Variants in PAQR3 observed in about 807,000 individuals in gnomAD.
PAQR3 encodes the protein Raf kinase trapping to Golgi.
Under a neutral mutation model 41.7 loss-of-function variants are expected in PAQR3, and 39 were observed. The observed-to-expected ratio is 0.93, with a 90% CI of 0.72 to 1.22. The LOEUF (loss-of-function observed/expected upper bound fraction) is 1.22. Among genes scored for constraint, PAQR3 ranks in the 50% most tolerant of loss-of-function variants. PAQR3 has a pLI of 0.00. For missense variants in PAQR3, 366 were observed against 385.6 expected (o/e 0.95, Z 0.42); for synonymous variants, 140 against 140.6 (o/e 1.00, Z 0.03).
At chr4:78,922,783 T>C in intron 5 of PAQR3, 2 of 386,978 alleles carry the variant, frequency 5.2e-6, no homozygotes, top group East Asian at 1.4e-4. Flanking sequence ...AGTATTTCCA[T>C]GTTTTAGATA....
At chr4:78,901,261 A>G (rs1019249021) in intron 11 of PAQR3, among the ~76,000 whole-genome samples, 3 of 147,648 alleles carry the variant, frequency 2.0e-5, no homozygotes, top group Admixed American at 6.6e-5. Context: ...AGGTCTTACT[A>G]TGTTGCCTAG....
chr4:78,898,715 A>G (rs1035776218), intron 11 of PAQR3: 5 of 151,828 alleles, frequency 3.3e-5, no homozygotes, highest in Non-Finnish European at 5.9e-5. Context: ...ATGACTACAG[A>G]AATTGAAAGC....
rs1279795138 is a variant in PAQR3 at position 78,935,280 on chromosome 4, C to T, written c.189G>A (p.Leu63=). The T allele has an allele frequency of 1.9e-6, 3 of 1,608,376 alleles. No individual in the cohort carries two copies. The highest frequency in any genetic ancestry group is 1.7e-6 in the Non-Finnish European group (2 of 1,178,492). The change falls in exon 2 of 6, where the codon TTG becomes TTA. Residue 63 remains leucine, a synonymous_variant. Transcript: ENST00000512733. The stretch of plus-strand genomic sequence containing the variant: ...TTACTGTCTCATTAGATAAAATAAA[C>T]AAACTGGAAAATAAACACACATGCA... ...YLPSRLCIKS[L]FILSNETVNI... is the part of the protein sequence containing the mutation.
intron 5 of PAQR3, chr4:78,922,535 T>G: frequency 1.0e-6 from 1 of 963,468 alleles, no homozygotes. Context: ...AAATGTTATT[T>G]CTGACCCATG....
chr4:78,895,253 C>T lies in PAQR3; in HGVS notation c.*837-7105G>A, dbSNP rs1733640987. ...TTTTAGAAAGTCAATCTTGGAAATA[C>T]AGTGAAGTCTGGCACAATACAAAAA... is the stretch of plus-strand genomic sequence containing the variant. On this transcript the variant is annotated intron_variant and NMD_transcript_variant, in intron 11 of 12. Coordinates refer to the PAQR3 transcript ENST00000342820. 2.0e-5 allele frequency among the ~76,000 whole-genome samples: 3 copies of T among 152,234 alleles called. No individual in the cohort carries two copies. The South Asian group carries it at 6.2e-4, about 32-fold the overall frequency.
At position 78,913,465 on chromosome 4, in the gene PAQR3, T is replaced by C. The variant is rs544173893; in HGVS notation, c.*7074A>G. ...TCCTGTGTCTATGACTATTTTAAGA[T>C]ATAATTGTGCTGCGCTATCAGATTA... is the stretch of plus-strand genomic sequence containing the variant. On this transcript the variant is annotated 3_prime_UTR_variant, in exon 6 of 6. Coordinates refer to ENST00000512733, the MANE Select transcript of PAQR3 (RefSeq NM_001040202.2). 1 of 152,292 alleles carries C rather than the reference T, an allele frequency of 6.6e-6. No homozygotes were observed. Among genetic ancestry groups the C allele is most frequent in the South Asian group, 2.1e-4 (1 of 4,830 alleles). 9.4% of individuals were successfully genotyped at this position (152,292 alleles called of 1,614,324 possible). A position where few individuals can be genotyped will look rare whatever the true frequency, so the allele number is the denominator to read the frequency against.
intron 10 of PAQR3, among the ~76,000 whole-genome samples, chr4:78,906,814 G>A (rs1189915335): frequency 6.6e-6 from 1 of 152,140 alleles, no homozygotes. Flanking sequence ...CTTATTATGT[G>A]TTCAGGCACC....
rs1307494786 is a variant in PAQR3, at chr4:78,920,291, A to C, written c.*248T>G. 136 of 1,152,376 alleles carry C rather than the reference A, an allele frequency of 1.2e-4. No individual in the cohort carries two copies. The highest frequency in any genetic ancestry group is 1.4e-4 in the Non-Finnish European group (133 of 937,350). 71.4% of individuals were successfully genotyped at this position (1,152,376 alleles called of 1,614,324 possible). ...AGTTTCCCATTCATCGTTGTTATTC[A>C]GATGTTTCTTATGATTGCCAACTAA... is the stretch of plus-strand genomic sequence containing the variant. On this transcript the variant is annotated 3_prime_UTR_variant, in exon 6 of 6. Transcript: ENST00000512733.
chr4:78,911,626 C>T (rs1047400897), downstream of PAQR3: 16 of 1,613,840 alleles, frequency 9.9e-6, no homozygotes, highest in Non-Finnish European at 1.4e-5. Flanking sequence ...AGTGGGCCGC[C>T]GAGACTCTCA....
chr4:78,923,349 T>C (rs1042205578), intron 5 of PAQR3, among the ~76,000 whole-genome samples: 6 of 152,024 alleles, frequency 3.9e-5, no homozygotes, highest in African/African-American at 1.4e-4. Flanking sequence ...TTTATTATTA[T>C]ACTTTAAGTT....
intron 11 of PAQR3, among the ~76,000 whole-genome samples, chr4:78,905,735 G>A (rs893794850): frequency 3.3e-5 from 5 of 151,960 alleles, no homozygotes; most frequent in African/African-American, 4.8e-5. Context: ...AAATTTCATA[G>A]TAAATCAAAT....
Position 78,918,814 on chromosome 4 carries a change from G to GA in PAQR3, c.*1724dup. 2.0e-6 allele frequency: 2 copies of GA among 984,580 alleles called. No individual in the cohort carries two copies. Among genetic ancestry groups the GA allele is most frequent in the Non-Finnish European group, 2.4e-6 (2 of 829,390 alleles). The allele number at this position is 984,580 out of a possible 1,614,324, so 61.0% of individuals were successfully genotyped here. The stretch of plus-strand genomic sequence containing the variant: ...TCAGTGTCTTTTGTTTGGCCAAAAT[G>GA]ACAAAATATCTATTAAAAGGCAATA... On this transcript the variant is annotated 3_prime_UTR_variant, in exon 6 of 6. Transcript: ENST00000512733.
chr4:78,925,670 C>T (rs1736119652), intron 4 of PAQR3, among the ~76,000 whole-genome samples: 1 of 152,068 alleles, frequency 6.6e-6, no homozygotes, highest in African/African-American at 2.4e-5. Flanking sequence ...GAATGAAACC[C>T]CCCTTTAAAG....
Position 78,911,878 on chromosome 4 carries a change from T to G in PAQR3, c.*8661A>C. On this transcript the variant is annotated 3_prime_UTR_variant, in exon 6 of 6. Coordinates refer to ENST00000512733, the MANE Select transcript of PAQR3 (RefSeq NM_001040202.2). Reference sequence around the variant, plus strand: ...GCCAAGACAAAATTCACTACATGGGTCATTCCATAGTGCAGATGTATTGAA... The same window carrying G: ...GCCAAGACAAAATTCACTACATGGGGCATTCCATAGTGCAGATGTATTGAA... 1 of 1,613,912 alleles carries G rather than the reference T, an allele frequency of 6.2e-7. No homozygotes were observed. Among genetic ancestry groups the G allele is most frequent in the Non-Finnish European group, 8.5e-7 (1 of 1,179,860 alleles).
rs1398251133 is a variant in PAQR3 at position 78,919,316 on chromosome 4, G to C, written c.*1223C>G. 1 of 983,692 alleles carries C rather than the reference G, an allele frequency of 1.0e-6. No homozygotes were observed. The highest frequency in any genetic ancestry group is 1.1e-4 in the East Asian group (1 of 8,820). The allele number at this position is 983,692 out of a possible 1,614,324, so 60.9% of individuals were successfully genotyped here. On this transcript the variant is annotated 3_prime_UTR_variant, in exon 6 of 6. Coordinates refer to ENST00000512733, the MANE Select transcript of PAQR3 (RefSeq NM_001040202.2). ...TTTTATACTCCAATAAACAATGTAA[G>C]TTTTTATGAATGTCTACTTTAAGGG...
At chr4:78,930,416 TTTCAA>T in intron 2 of PAQR3, 91 bp from the exon 3 acceptor site, 1 of 1,324,326 alleles carries the variant, frequency 7.6e-7, no homozygotes, top group Non-Finnish European at 1.0e-6. Context: ...GAGGCTAGGC[TTTCAA>T]TTCAAACATT....
chr4:78,935,816 G>A (rs188368191), intron 1 of PAQR3, among the ~76,000 whole-genome samples: 4 of 152,340 alleles, frequency 2.6e-5, no homozygotes, highest in Admixed American at 6.5e-5. Context: ...ATGGATTTAA[G>A]AGAAGCAAAA....
chr4:78,921,972 T>C, intron 5 of PAQR3: 3 of 983,542 alleles, frequency 3.1e-6, no homozygotes, highest in Non-Finnish European at 3.6e-6. Flanking sequence ...ATATGTCCTA[T>C]ATTAAACAAT....
At chr4:78,910,799 C>G (rs768749815), downstream of PAQR3, 7 of 1,613,724 alleles carry the variant, frequency 4.3e-6, no homozygotes, top group Middle Eastern at 1.6e-4. Flanking sequence ...CCCCCTTCTC[C>G]TAAGAGCAGT....
Sources: gnomAD v4.1 joint callset for allele counts (sites outside exome capture counted in the v4.1 genomes callset) on GRCh38, gnomAD v4.1.1 for gene constraint, MANE v1.5 for transcripts, NCBI Gene and HGNC (gene_info 2026-07-23, HGNC 2026-07-21) for gene names.